IQCJ: variants seen among roughly 807,000 people sequenced by gnomAD.
IQCJ encodes IQ domain-containing protein J.
A neutral mutation model predicts 11.0 loss-of-function variants in IQCJ; 9 were observed. The observed-to-expected ratio is 0.82, with a 90% CI of 0.49 to 1.43. The LOEUF (loss-of-function observed/expected upper bound fraction) is 1.43. Among genes scored for constraint, IQCJ ranks in the 40% most tolerant of loss-of-function variants. The probability of loss-of-function intolerance (pLI) is 0.00; values close to 1 mark genes in which losing one functional copy is unlikely to be tolerated. For synonymous variants in IQCJ, 55 were observed against 51.3 expected (o/e 1.07, Z -0.31); for missense variants, 146 against 133.2 (o/e 1.10, Z -0.47).
At chr3:159,118,558 G>C (rs538532063) in intron 1 of IQCJ, among the ~76,000 whole-genome samples, 1 of 152,282 alleles carries the variant, frequency 6.6e-6, no homozygotes, top group South Asian at 2.1e-4. Flanking sequence ...CAAGTGTCAG[G>C]GATGTGAAGT....
intron 1 of IQCJ, among the ~76,000 whole-genome samples, chr3:159,135,124 T>G (rs1400907239): frequency 1.3e-5 from 2 of 152,230 alleles, no homozygotes; most frequent in African/African-American, 4.8e-5. Context: ...TTTTGACAGC[T>G]GTGATTACTG....
chr3:159,115,012 T>A (rs1718879833), intron 1 of IQCJ, among the ~76,000 whole-genome samples: 1 of 152,180 alleles, frequency 6.6e-6, no homozygotes. Context: ...AAGTAGTACT[T>A]CAACATTTTC....
chr3:159,204,848 G>T (rs1724553056), intron 1 of IQCJ, among the ~76,000 whole-genome samples: 1 of 152,212 alleles, frequency 6.6e-6, no homozygotes, highest in East Asian at 1.9e-4. Flanking sequence ...GGGACTAAAA[G>T]AATATGTGCC....
rs1003651436 is a variant in IQCJ at position 159,165,683 on chromosome 3, G to A, written c.10-80160G>A. Among the ~76,000 whole-genome samples, 3 of 150,844 alleles carry A rather than the reference G, an allele frequency of 2.0e-5. No individual in the cohort carries two copies. In the East Asian group the frequency reaches 5.8e-4, roughly 29 times the overall value. On this transcript the variant is annotated intron_variant, in intron 1 of 3. Coordinates refer to ENST00000397832, the MANE Select transcript of IQCJ (RefSeq NM_001042706.3). Reference sequence around the variant, plus strand: ...GGCTGGAGTGCAGTGGCTCGACCTCGGCTCACTGCAACCTCTGCCTCCCGG... The same window carrying A: ...GGCTGGAGTGCAGTGGCTCGACCTCAGCTCACTGCAACCTCTGCCTCCCGG...
At chr3:159,141,114 AAGGACT>A (rs2108180541) in intron 1 of IQCJ, among the ~76,000 whole-genome samples, 1 of 152,086 alleles carries the variant, frequency 6.6e-6, no homozygotes, top group African/African-American at 2.4e-5. Context: ...GTTTCCCAAG[AAGGACT>A]AGATCTCATA....
intron 1 of IQCJ, among the ~76,000 whole-genome samples, chr3:159,200,266 C>T (rs949049206): frequency 1.3e-5 from 2 of 151,660 alleles, no homozygotes; most frequent in Non-Finnish European, 2.9e-5. Context: ...TGTCTTATCT[C>T]TTGATTAAGA....
At chr3:159,262,169 G>A (rs571500996) in intron 3 of IQCJ, among the ~76,000 whole-genome samples, 2 of 152,328 alleles carry the variant, frequency 1.3e-5, no homozygotes, top group African/African-American at 4.8e-5. Flanking sequence ...TGCAGTAGTA[G>A]TCAGCCTATT....
intron 1 of IQCJ, among the ~76,000 whole-genome samples, chr3:159,206,792 C>T (rs1577080556): frequency 2.0e-5 from 3 of 152,142 alleles, no homozygotes; most frequent in Admixed American, 1.3e-4. Flanking sequence ...CTGTTGCTAG[C>T]AACCAAAGAA....
chr3:159,155,316 C>A (rs1305943796), intron 1 of IQCJ, among the ~76,000 whole-genome samples: 1 of 142,580 alleles, frequency 7.0e-6, no homozygotes, highest in South Asian at 2.5e-4. Flanking sequence ...CGCCATCACA[C>A]CTGACTAACT....
At chr3:159,265,650 TG>T, downstream of IQCJ, 5 of 368,460 alleles carry the variant, frequency 1.4e-5, no homozygotes, top group Non-Finnish European at 2.5e-5. Context: ...AATCTATTGC[TG>T]TTACTGCCTA....
At chr3:159,090,787 A>G (rs1005553000) in intron 1 of IQCJ, among the ~76,000 whole-genome samples, 35 of 151,822 alleles carry the variant, frequency 2.3e-4, no homozygotes, top group Admixed American at 2.3e-3. Flanking sequence ...CCTGACCTAG[A>G]CTTGGGCTTC....
At chr3:159,093,135 A>G (rs1461116971) in intron 1 of IQCJ, among the ~76,000 whole-genome samples, 2 of 151,816 alleles carry the variant, frequency 1.3e-5, no homozygotes, top group African/African-American at 4.9e-5. Flanking sequence ...CTGGATTTGT[A>G]TTAATCTGTG....
At chr3:159,111,192 G>A (rs1718604829) in intron 1 of IQCJ, among the ~76,000 whole-genome samples, 1 of 152,164 alleles carries the variant, frequency 6.6e-6, no homozygotes, top group Non-Finnish European at 1.5e-5. Context: ...AATACAGAGG[G>A]TGTCTTCTAA....
chr3:159,116,665 T>C (rs1375013466), intron 1 of IQCJ, among the ~76,000 whole-genome samples: 13 of 20,302 alleles, frequency 6.4e-4, no homozygotes, highest in African/African-American at 2.5e-3. Context: ...TATATATATA[T>C]ATATACACCC....
chr3:159,225,443 G>T (rs1725802095), intron 1 of IQCJ, among the ~76,000 whole-genome samples: 1 of 152,106 alleles, frequency 6.6e-6, no homozygotes, highest in African/African-American at 2.4e-5. Flanking sequence ...TAATGGAACA[G>T]TTATGCATCT....
At chr3:159,265,421 G>A (rs1442105851), downstream of IQCJ, 1 of 1,596,190 alleles carries the variant, frequency 6.3e-7, no homozygotes, top group Admixed American at 1.7e-5. Flanking sequence ...TCAAGTTTAT[G>A]GAGGGAATAG....
chr3:159,095,214 A>G (rs1003143171), intron 1 of IQCJ, among the ~76,000 whole-genome samples: 1 of 151,910 alleles, frequency 6.6e-6, no homozygotes, highest in Non-Finnish European at 1.5e-5. Flanking sequence ...CAAAACCATG[A>G]CATCAAGTGA....
chr3:159,080,261 G>T (rs1716219202), intron 1 of IQCJ, among the ~76,000 whole-genome samples: 1 of 152,080 alleles, frequency 6.6e-6, no homozygotes. Flanking sequence ...TGGAGGAAAA[G>T]TTACTATGAG....
intron 1 of IQCJ, among the ~76,000 whole-genome samples, chr3:159,115,755 A>T (rs1216637078): frequency 6.6e-6 from 1 of 152,090 alleles, no homozygotes; most frequent in Non-Finnish European, 1.5e-5. Context: ...ACCCATCTCT[A>T]AAAAAATGTT....
Sources: gnomAD v4.1 joint callset for allele counts (sites outside exome capture counted in the v4.1 genomes callset) on GRCh38, gnomAD v4.1.1 for gene constraint, MANE v1.5 for transcripts, NCBI Gene and HGNC (gene_info 2026-07-23, HGNC 2026-07-21) for gene names.